Variants in DHX15 observed in about 807,000 individuals in gnomAD.
The protein encoded by DHX15 is DEAH-box helicase 15.
In DHX15, 11 loss-of-function variants were observed where a neutral mutation model predicts 94.4. The ratio of observed to expected loss-of-function variants is 0.12; its 90% CI spans 0.07 to 0.19. The LOEUF (loss-of-function observed/expected upper bound fraction) is 0.19. Among genes scored for constraint, DHX15 ranks in the 10% least tolerant of loss-of-function variants. The pLI is 1.00. For synonymous variants in DHX15, 338 were observed against 329.9 expected, an observed-to-expected ratio of 1.02 and a Z score of -0.27; for missense variants, 304 against 988.5, an observed-to-expected ratio of 0.31 and a Z score of 9.29.
At chr4:24,546,598 T>C (rs1049749207) in intron 6 of DHX15, among the ~76,000 whole-genome samples, 1 of 152,232 alleles carries the variant, frequency 6.6e-6, no homozygotes, top group Non-Finnish European at 1.5e-5. Context: ...CATATAAATA[T>C]ATGTTGCATT....
intron 1 of DHX15, among the ~76,000 whole-genome samples, chr4:24,580,402 G>C (rs1398377308): frequency 1.3e-5 from 2 of 151,864 alleles, no homozygotes; most frequent in Non-Finnish European, 2.9e-5. Context: ...GGAAGACCCT[G>C]TCTCTAAAAA....
intron 3 of DHX15, among the ~76,000 whole-genome samples, chr4:24,560,292 T>C (rs1426653487): frequency 6.6e-6 from 1 of 151,870 alleles, no homozygotes; most frequent in Non-Finnish European, 1.5e-5. Flanking sequence ...AGGCAAAAAA[T>C]CATTTTTATA....
intron 11 of DHX15, among the ~76,000 whole-genome samples, chr4:24,534,819 C>T (rs1285163211): frequency 6.6e-6 from 1 of 151,936 alleles, no homozygotes; most frequent in Non-Finnish European, 1.5e-5. Context: ...ACGCTTTTTT[C>T]AAATATACTC....
chr4:24,581,810 G>T lies in DHX15; in HGVS notation c.71+2513C>A, dbSNP rs80122205. 3.9e-3 allele frequency among the ~76,000 whole-genome samples: 589 copies of T among 152,220 alleles called. 3 individuals carry two copies. Among genetic ancestry groups the T allele is most frequent in the African/African-American group, 0.013 (547 of 41,532 alleles). On this transcript the variant is annotated intron_variant, in intron 1 of 13. Coordinates refer to ENST00000336812, the MANE Select transcript of DHX15 (RefSeq NM_001358.3). Reference sequence around the variant, plus strand: ...TGGAAAATTATTACTTTCGGTAATTGTATAGTGAAGATTCTGTGGGTTGAC... The same window carrying T: ...TGGAAAATTATTACTTTCGGTAATTTTATAGTGAAGATTCTGTGGGTTGAC...
intron 4 of DHX15, among the ~76,000 whole-genome samples, chr4:24,555,805 A>T (rs1721727668): frequency 6.6e-6 from 1 of 152,184 alleles, no homozygotes; most frequent in African/African-American, 2.4e-5. Context: ...GTAATACACG[A>T]GGGTAAGTGA....
chr4:24,584,202 G>A (rs1197663461), intron 1 of DHX15, 121 bp downstream of exon 1: 1 of 1,089,230 alleles, frequency 9.2e-7, no homozygotes, highest in African/African-American at 1.6e-5. Flanking sequence ...AGTGAACCCA[G>A]CCCAGAGAGA....
intron 2 of DHX15, 126 bp downstream of exon 2, chr4:24,576,117 T>A: frequency 1.4e-6 from 1 of 729,944 alleles, no homozygotes; most frequent in Non-Finnish European, 2.2e-6. Context: ...CAATTAAACA[T>A]CAAATCAGCT....
intron 3 of DHX15, among the ~76,000 whole-genome samples, chr4:24,567,517 C>T (rs1220287040): frequency 6.6e-6 from 1 of 150,588 alleles, no homozygotes; most frequent in East Asian, 2.0e-4. Context: ...GTGGAGGCTG[C>T]AGTGAGCCGA....
chr4:24,566,547 C>T (rs183013812), intron 3 of DHX15, among the ~76,000 whole-genome samples: 101 of 152,056 alleles, frequency 6.6e-4, no homozygotes, highest in African/African-American at 2.4e-3. Context: ...ACTTCCTGGC[C>T]GGGAGCAGTG....
intron 6 of DHX15, among the ~76,000 whole-genome samples, chr4:24,547,927 A>ATGTATC (rs1560765859): frequency 9.7e-6 from 1 of 102,960 alleles, no homozygotes; most frequent in Non-Finnish European, 2.0e-5. Flanking sequence ...ATATATATAT[A>ATGTATC]TATATATATA....
At chr4:24,574,205 C>CAAAAAAAAAAAAAAAAAAGAA in intron 2 of DHX15, among the ~76,000 whole-genome samples, 1 of 68,876 alleles carries the variant, frequency 1.5e-5, no homozygotes, top group East Asian at 3.6e-4. Context: ...GACTTTGTCT[C>CAAAAAAAAAAAAAAAAAAGAA]AAAAAAAAAA....
rs201398313 is a variant in DHX15 at position 24,537,133 on chromosome 4, G to A, written c.1827C>T (p.Ala609=). The change falls in exon 11 of 14, where the codon GCC becomes GCT. Residue 609 remains alanine (A), a synonymous_variant. Transcript: ENST00000336812. This position sits in a 1 kb window ranked among gnomAD's most constrained non-coding sequence, Gnocchi z 4.7. ...CAAATCTCATCTTGGCCTCATCTGCGGCTTTCTTGGCCTCCGTGGGGCGAA... is the reference window on the plus strand; with the variant it reads ...CAAATCTCATCTTGGCCTCATCTGCAGCTTTCTTGGCCTCCGTGGGGCGAA... ...CFVRPTEAKK[A]ADEAKMRFAH... is the part of the protein sequence containing the mutation. 28 of 1,613,838 alleles carry A rather than the reference G, an allele frequency of 1.7e-5. No homozygotes were observed. Among genetic ancestry groups the A allele is most frequent in the Middle Eastern group, 1.7e-4 (1 of 6,060 alleles).
intron 6 of DHX15, 86 bp from the exon 7 acceptor site, chr4:24,543,112 A>T (rs1721352123): frequency 4.6e-6 from 4 of 860,460 alleles, no homozygotes; most frequent in Non-Finnish European, 7.2e-6. Flanking sequence ...ACTTTCACTG[A>T]CACAAGGAAT....
At chr4:24,564,605 G>C (rs1006190336) in intron 3 of DHX15, among the ~76,000 whole-genome samples, 2 of 152,166 alleles carry the variant, frequency 1.3e-5, no homozygotes. Context: ...TGAAGAGCCA[G>C]TGATATTAGC....
chr4:24,533,587 C>T (rs1226039716), intron 11 of DHX15: 1 of 156,704 alleles, frequency 6.4e-6, no homozygotes, highest in African/African-American at 2.4e-5. Flanking sequence ...CAAGGATGCC[C>T]GAAACCTCCA....
chr4:24,579,385 T>G (rs1722352754), intron 1 of DHX15, among the ~76,000 whole-genome samples: 1 of 152,238 alleles, frequency 6.6e-6, no homozygotes, highest in African/African-American at 2.4e-5. Flanking sequence ...ATTTGTCAAC[T>G]ATTGTGCACA....
At chr4:24,566,628 C>T (rs972659308) in intron 3 of DHX15, among the ~76,000 whole-genome samples, 4 of 152,106 alleles carry the variant, frequency 2.6e-5, no homozygotes, top group Non-Finnish European at 5.9e-5. Context: ...GAGTTTGAGA[C>T]CAGCCTGGCC....
intron 1 of DHX15, among the ~76,000 whole-genome samples, chr4:24,578,021 A>C (rs1387411943): frequency 6.6e-6 from 1 of 152,224 alleles, no homozygotes; most frequent in Non-Finnish European, 1.5e-5. Context: ...TTACTCAAAA[A>C]GGGGAAAAGC....
At chr4:24,568,745 A>AT (rs1722051198) in intron 3 of DHX15, among the ~76,000 whole-genome samples, 1 of 152,220 alleles carries the variant, frequency 6.6e-6, no homozygotes, top group African/African-American at 2.4e-5. Flanking sequence ...CCTCCTAAAG[A>AT]TGAGTAAAAT....
Sources: allele counts gnomAD v4.1 joint callset (sites outside exome capture counted in the v4.1 genomes callset), GRCh38; gene constraint gnomAD v4.1.1; non-coding constraint Gnocchi (gnomAD v3.1); transcripts MANE v1.5; gene names NCBI Gene and HGNC (gene_info 2026-07-23, HGNC 2026-07-21).